NISCH: variants seen among roughly 807,000 people sequenced by gnomAD.
NISCH encodes the protein I-1 receptor candidate protein.
In NISCH, 55 loss-of-function variants were observed where a neutral mutation model predicts 138.4. The ratio of observed to expected loss-of-function variants is 0.40; its 90% CI spans 0.32 to 0.50. The LOEUF is 0.50. Ranked by LOEUF, NISCH falls within the 20% of genes least tolerant of loss-of-function variation. The pLI is 0.71. For missense variants in NISCH, 1,643 were observed against 2,005.5 expected, an observed-to-expected ratio of 0.82 and a Z score of 3.45; for synonymous variants, 860 against 861.5, an observed-to-expected ratio of 1.00 and a Z score of 0.03.
intron 8 of NISCH, among the ~76,000 whole-genome samples, chr3:52,477,035 A>G (rs1205413174): frequency 6.6e-6 from 1 of 152,220 alleles, no homozygotes; most frequent in Non-Finnish European, 1.5e-5. Flanking sequence ...ACTCCGTCTC[A>G]AAAGAAGAAA....
intron 3 of NISCH, among the ~76,000 whole-genome samples, chr3:52,461,031 G>A (rs1488287702): frequency 6.6e-6 from 1 of 152,212 alleles, no homozygotes; most frequent in South Asian, 2.1e-4. Flanking sequence ...CTTGAGGCCA[G>A]GAGTTCGAGA....
At chr3:52,482,861 C>T (rs1039045228) in intron 13 of NISCH, among the ~76,000 whole-genome samples, 1 of 152,176 alleles carries the variant, frequency 6.6e-6, no homozygotes, top group East Asian at 1.9e-4. Context: ...CTGCCCTTTC[C>T]CACATCCTTA....
chr3:52,468,476 C>T (rs372665862), intron 3 of NISCH, among the ~76,000 whole-genome samples: 11 of 152,252 alleles, frequency 7.2e-5, no homozygotes, highest in Middle Eastern at 3.4e-3. Flanking sequence ...GTAGACGGGG[C>T]GTGGTTTTCA....
Position 52,492,690 on chromosome 3 carries a change from T to C in NISCH, c.*208T>C. 1 of 668,532 alleles carries C rather than the reference T, an allele frequency of 1.5e-6. No homozygotes were observed. The highest frequency in any genetic ancestry group is 2.5e-6 in the Non-Finnish European group (1 of 406,868). The allele number at this position is 668,532 out of a possible 1,614,324, so 41.4% of individuals were successfully genotyped here. A position where few individuals can be genotyped will look rare whatever the true frequency, so the allele number is the denominator to read the frequency against. On this transcript the variant is annotated 3_prime_UTR_variant, in exon 21 of 21. Transcript: ENST00000345716. ...GGGCCCCTCAGGGCTGTCGGTGTGC[T>C]GTCAGCCTCCCACAGGTGGTACAGC...
chr3:52,468,887 C>G (rs1706860756), intron 3 of NISCH, among the ~76,000 whole-genome samples: 1 of 151,378 alleles, frequency 6.6e-6, no homozygotes. Context: ...AGAAGAGGCC[C>G]AAGAAGTCAT....
At position 52,487,761 on chromosome 3, in the gene NISCH, C is replaced by A. The variant is rs941274664; in HGVS notation, c.2269C>A (p.Leu757Met). ...CAGCAGCCAGCACATCCTCTCCTCC[C>A]TGCGCTTTGTCTTTTGCTTCCCGCA... is the stretch of plus-strand genomic sequence containing the variant. ...RGSSQHILSS[L>M]RFVFCFPHGD... Residue 757 changes from leucine to methionine, a missense_variant, in exon 16 of 21, where the codon CTG becomes ATG. Physicochemically the swap from Leu to Met is conservative, Grantham distance 15. Transcript: ENST00000345716. The surrounding 1 kb of genome is among the most constrained non-coding windows in gnomAD (Gnocchi z 9.1). 1 of 1,613,808 alleles carries A rather than the reference C, an allele frequency of 6.2e-7. No individual in the cohort carries two copies. The highest frequency in any genetic ancestry group is 1.1e-5 in the South Asian group (1 of 91,080).
chr3:52,490,687 C>A lies in NISCH; in HGVS notation c.3614-18C>A. ...TTGCCTGCCACCGCCTCCCTCTGTC[C>A]CTTTCTCCATCACACAGATTTCTGG... On this transcript the variant is annotated intron_variant, in intron 18 of 20. Transcript: ENST00000345716. The A allele has an allele frequency of 6.2e-7, 1 of 1,614,100 alleles. No individual in the cohort carries two copies. Among genetic ancestry groups the A allele is most frequent in the Non-Finnish European group, 8.5e-7 (1 of 1,179,996 alleles).
intron 11 of NISCH, among the ~76,000 whole-genome samples, chr3:52,478,821 T>A (rs1167607859): frequency 6.6e-6 from 1 of 152,022 alleles, no homozygotes; most frequent in Non-Finnish European, 1.5e-5. Flanking sequence ...AGAAATAAGA[T>A]CCTTAAAATA....
Position 52,487,109 on chromosome 3 carries a change from G to GGT in NISCH, c.1704-84_1704-83dup. The GGT allele has an allele frequency of 6.8e-7, 1 of 1,475,040 alleles. No homozygotes were observed. The highest frequency in any genetic ancestry group is 9.2e-7 in the Non-Finnish European group (1 of 1,089,078). 91.4% of individuals were successfully genotyped at this position (1,475,040 alleles called of 1,614,324 possible). ...CCATGGGTTGGTTTCTCAGGGTCAG[G>GGT]GTGTAGCAGTGGGCTCCAGATGTGG... On this transcript the variant is annotated intron_variant, in intron 15 of 20. Coordinates refer to ENST00000345716, the MANE Select transcript of NISCH (RefSeq NM_007184.4). This position sits in a 1 kb window ranked among gnomAD's most constrained non-coding sequence, Gnocchi z 9.1.
chr3:52,491,260 G>A, intron 19 of NISCH, 92 bp from the exon 20 acceptor site: 1 of 1,503,506 alleles, frequency 6.7e-7, no homozygotes, highest in Non-Finnish European at 8.9e-7. Context: ...CCTCTGGGCT[G>A]AGGCTTGCTA....
chr3:52,472,190 T>G, intron 5 of NISCH, 113 bp from the exon 6 acceptor site: 1 of 1,115,196 alleles, frequency 9.0e-7, no homozygotes, highest in Non-Finnish European at 1.3e-6. Flanking sequence ...GGCCTGAGCC[T>G]GCTTTGTTGA....
At chr3:52,456,805 G>C (rs1252161780) in intron 1 of NISCH, among the ~76,000 whole-genome samples, 3 of 152,242 alleles carry the variant, frequency 2.0e-5, no homozygotes, top group Non-Finnish European at 4.4e-5. Context: ...GGAGGCTTCA[G>C]CTCCATGCTG....
chr3:52,492,495 C>A lies in NISCH; in HGVS notation c.*13C>A. 6.3e-7 allele frequency: 1 copy of A among 1,581,082 alleles called. No individual in the cohort carries two copies. The highest frequency in any genetic ancestry group is 1.2e-5 in the South Asian group (1 of 86,910). Reference sequence around the variant, plus strand: ...GCTCACCGGCTAGCCCAGGCCACAGCCAGCCTGTCGTGTCCAGCCTGACGC... The same window carrying A: ...GCTCACCGGCTAGCCCAGGCCACAGACAGCCTGTCGTGTCCAGCCTGACGC... On this transcript the variant is annotated 3_prime_UTR_variant, in exon 21 of 21. Coordinates refer to ENST00000345716, the MANE Select transcript of NISCH (RefSeq NM_007184.4).
At chr3:52,477,543 A>G (rs369958627) in intron 8 of NISCH, 31 bp from the exon 9 acceptor site, 117 of 1,599,294 alleles carry the variant, frequency 7.3e-5, no homozygotes, top group Admixed American at 1.2e-4. Flanking sequence ...AGCCCCCTAC[A>G]GTAACATCGG....
At chr3:52,464,816 A>G (rs146158497) in intron 3 of NISCH, among the ~76,000 whole-genome samples, 46 of 150,550 alleles carry the variant, frequency 3.1e-4, no homozygotes, top group African/African-American at 1.1e-3. Flanking sequence ...GAGCCACCAC[A>G]TCCGGCCTGC....
chr3:52,463,746 CAG>C (rs1446701705), intron 3 of NISCH, among the ~76,000 whole-genome samples: 1 of 102,900 alleles, frequency 9.7e-6, no homozygotes, highest in Non-Finnish European at 1.8e-5. Context: ...TTTTCTGAGA[CAG>C]AGTCTCGCTC....
At chr3:52,481,232 G>A in intron 13 of NISCH, 1 of 1,115,372 alleles carries the variant, frequency 9.0e-7, no homozygotes, top group Non-Finnish European at 1.1e-6. Context: ...GGGAGAGTCG[G>A]CTGTGGTGCA....
chr3:52,462,364 A>G (rs1164988201), intron 3 of NISCH, among the ~76,000 whole-genome samples: 1 of 152,192 alleles, frequency 6.6e-6, no homozygotes, highest in Non-Finnish European at 1.5e-5. Context: ...CCACCCAGCT[A>G]TGGCAACTAA....
At chr3:52,490,279 G>A (rs1457494407) in intron 18 of NISCH, 48 bp downstream of exon 18, 1 of 1,596,036 alleles carries the variant, frequency 6.3e-7, no homozygotes, top group African/African-American at 1.3e-5. Flanking sequence ...TGTGTGGTTG[G>A]GGCAGGCCTG....
Sources: allele counts gnomAD v4.1 joint callset (sites outside exome capture counted in the v4.1 genomes callset), GRCh38; gene constraint gnomAD v4.1.1; non-coding constraint Gnocchi (gnomAD v3.1); transcripts MANE v1.5; gene names NCBI Gene and HGNC (gene_info 2026-07-23, HGNC 2026-07-21).